Variants in SP7 observed in about 807,000 individuals in gnomAD.
The protein encoded by SP7 is Sp7 transcription factor, also known as transcription factor Sp7.
A neutral mutation model predicts 27.9 loss-of-function variants in SP7; 13 were observed. The ratio of observed to expected loss-of-function variants is 0.47; its 90% CI spans 0.30 to 0.74. The LOEUF is 0.74. Among genes scored for constraint, SP7 ranks in the 30% least tolerant of loss-of-function variants. SP7 has a pLI of 0.06. For synonymous variants in SP7, 219 were observed against 226.7 expected (o/e 0.97, Z 0.31); for missense variants, 525 against 558.0 (o/e 0.94, Z 0.60).
chr12:53,334,491 A>G (rs1189119398), intron 2 of SP7, among the ~76,000 whole-genome samples: 1 of 152,148 alleles, frequency 6.6e-6, no homozygotes, highest in East Asian at 1.9e-4. Context: ...CCACAGGTTG[A>G]GTGAGTTGGC....
At chr12:53,342,289 G>A (rs1042737593) in intron 1 of SP7, among the ~76,000 whole-genome samples, 2 of 151,812 alleles carry the variant, frequency 1.3e-5, no homozygotes, top group African/African-American at 2.4e-5. Flanking sequence ...AAATACACAC[G>A]TCTCCCCGCT....
At chr12:53,340,272 T>C (rs1030748698), upstream of SP7, among the ~76,000 whole-genome samples, 1 of 151,070 alleles carries the variant, frequency 6.6e-6, no homozygotes, top group Admixed American at 6.6e-5. Flanking sequence ...CACATACATA[T>C]ACCCAGGGCT....
In SP7 at chr12:53,329,334, T is replaced by G; in HGVS notation, c.108A>C (p.Ser36=). The part of the protein sequence containing the change: ...KFGGSSPLRD[S]TTLGKAGTKK... ...TTGTGCCTGCTTTGCCCAGAGTTGTTGAGTCCCGCAGAGGGCTAGAGCCAC... is the reference window on the plus strand; with the variant it reads ...TTGTGCCTGCTTTGCCCAGAGTTGTGGAGTCCCGCAGAGGGCTAGAGCCAC... The change falls in exon 3 of 3, where the codon TCA becomes TCC. Residue 36 remains serine (S), a synonymous_variant. Transcript: ENST00000536324. 1 of 1,613,982 alleles carries G rather than the reference T, an allele frequency of 6.2e-7. No individual in the cohort carries two copies.
chr12:53,331,688 C>A (rs1258637999), intron 2 of SP7, among the ~76,000 whole-genome samples: 2 of 151,976 alleles, frequency 1.3e-5, no homozygotes, highest in African/African-American at 2.4e-5. Flanking sequence ...AAAAAAGATG[C>A]CCTCAAAATC....
At chr12:53,335,556 A>C in intron 2 of SP7, 70 bp downstream of exon 2, 1 of 783,542 alleles carries the variant, frequency 1.3e-6, no homozygotes, top group Non-Finnish European at 2.2e-6. Context: ...GAGTTGGAGG[A>C]GGTGGGTGGG....
In SP7 at chr12:53,328,147, C is replaced by T; in HGVS notation, c.1295G>A (p.Ter432=). 6.2e-7 allele frequency: 1 copy of T among 1,608,544 alleles called. No homozygotes were observed. The highest frequency in any genetic ancestry group is 8.5e-7 in the Non-Finnish European group (1 of 1,178,094). ...GGGGTGGGAGACCTTCCACCCGGCTCAGATCTCCAGCAAGTTGCTCTGCTC... is the reference window on the plus strand; with the variant it reads ...GGGGTGGGAGACCTTCCACCCGGCTTAGATCTCCAGCAAGTTGCTCTGCTC... The part of the protein sequence containing the change: ...SPEQSNLLEI[*] Residue 432 remains the stop codon, a stop_retained_variant, in exon 3 of 3, where the codon TGA becomes TAA. Coordinates refer to ENST00000536324, the MANE Select transcript of SP7 (RefSeq NM_001173467.3). The surrounding 1 kb of genome is among the most constrained non-coding windows in gnomAD (Gnocchi z 5.1).
At chr12:53,337,485 G>A (rs952079861), upstream of SP7, among the ~76,000 whole-genome samples, 3 of 152,172 alleles carry the variant, frequency 2.0e-5, no homozygotes, top group Admixed American at 6.5e-5. Flanking sequence ...GGCTTAGCCC[G>A]CTGGGGTTGT....
At chr12:53,339,405 T>C (rs1488408895), upstream of SP7, among the ~76,000 whole-genome samples, 2 of 152,110 alleles carry the variant, frequency 1.3e-5, no homozygotes, top group Non-Finnish European at 2.9e-5. Flanking sequence ...TTTGGAAAGA[T>C]CAGTGGGGTG....
At chr12:53,343,856 C>T (rs1351860286) in intron 1 of SP7, among the ~76,000 whole-genome samples, 3 of 151,902 alleles carry the variant, frequency 2.0e-5, no homozygotes, top group Non-Finnish European at 4.4e-5. Flanking sequence ...ACCAGCCTGG[C>T]CAACATGGTG....
Position 53,329,288 on chromosome 12 carries a change from T to C in SP7, c.154A>G (p.Ser52Gly), listed in dbSNP as rs762070452. Reference protein sequence around the residue: ...AGTKKPYSVGSDLSASKTMGD... With the variant: ...AGTKKPYSVGGDLSASKTMGD... The stretch of plus-strand genomic sequence containing the variant: ...ATGGTTTTGGAGGCTGAAAGGTCAC[T>C]GCCCACAGAGTACGGCTTCTTTGTG... Residue 52 changes from serine to glycine, a missense_variant, in exon 3 of 3, where the codon AGT (serine) becomes GGT (glycine). Ser to Gly is a moderately conservative substitution (Grantham distance 56, BLOSUM62 0). Transcript: ENST00000536324. The C allele has an allele frequency of 1.2e-6, 2 of 1,613,902 alleles. No homozygotes were observed. Among genetic ancestry groups the C allele is most frequent in the East Asian group, 2.2e-5 (1 of 44,876 alleles).
chr12:53,335,844 G>A, intron 1 of SP7, 151 bp from the exon 2 acceptor site: 4 of 1,411,636 alleles, frequency 2.8e-6, no homozygotes, highest in Non-Finnish European at 3.7e-6. Flanking sequence ...AGCTTTCCCA[G>A]CGGAGAAGGC....
intron 2 of SP7, among the ~76,000 whole-genome samples, chr12:53,330,199 C>A (rs1442501810): frequency 2.6e-5 from 4 of 152,118 alleles, no homozygotes; most frequent in Admixed American, 6.6e-5. Context: ...CAGCCGCACG[C>A]CACCACATTG....
chr12:53,331,907 G>A (rs1026499162), intron 2 of SP7, among the ~76,000 whole-genome samples: 2 of 152,218 alleles, frequency 1.3e-5, no homozygotes, highest in African/African-American at 4.8e-5. Context: ...CCCTGGGGTT[G>A]CCATGAGGCA....
upstream of SP7, among the ~76,000 whole-genome samples, chr12:53,339,637 A>G: frequency 6.6e-6 from 1 of 151,736 alleles, no homozygotes. Flanking sequence ...AGGCAGTAGA[A>G]TCACTTGAAC....
upstream of SP7, among the ~76,000 whole-genome samples, chr12:53,338,003 A>G (rs1311975988): frequency 1.3e-5 from 2 of 152,176 alleles, no homozygotes; most frequent in Non-Finnish European, 1.5e-5. Context: ...AAAACAGAGC[A>G]GGAAAGAAAC....
intron 2 of SP7, among the ~76,000 whole-genome samples, chr12:53,334,606 T>C (rs1944745907): frequency 6.6e-6 from 1 of 152,122 alleles, no homozygotes; most frequent in African/African-American, 2.4e-5. Context: ...GGACTGACTT[T>C]CAGGGAGGGC....
rs531320473 is a variant in SP7 at position 53,344,262 on chromosome 12, C to T, written c.-34+852G>A. Among the ~76,000 whole-genome samples, 1 of 152,090 alleles carries T rather than the reference C, an allele frequency of 6.6e-6. No homozygotes were observed. Among genetic ancestry groups the T allele is most frequent in the Non-Finnish European group, 1.5e-5 (1 of 67,996 alleles). On this transcript the variant is annotated intron_variant, in intron 1 of 1. Transcript: ENST00000547755. This position sits in a 1 kb window ranked among gnomAD's most constrained non-coding sequence, Gnocchi z 4.6. ...AATGGCTCTTGACAGTTGCTGGATC[C>T]GGCCAACAGTGAAGGGCCAGGGCAG...
rs1944648600 is a variant in SP7, at chr12:53,327,782, A to C, written c.*364T>G. On this transcript the variant is annotated 3_prime_UTR_variant, in exon 3 of 3. Coordinates refer to ENST00000536324, the MANE Select transcript of SP7 (RefSeq NM_001173467.3). ...GGAGGCTGAGGGACAGCAGGAAATA[A>C]GCTTGAGAAGCAGAAAGGGGTACAT... 7.9e-6 allele frequency: 2 copies of C among 251,952 alleles called. No individual in the cohort carries two copies. Among genetic ancestry groups the C allele is most frequent in the Non-Finnish European group, 1.5e-5 (2 of 132,040 alleles). The allele number at this position is 251,952 out of a possible 1,614,324, so 15.6% of individuals were successfully genotyped here. A position where few individuals can be genotyped will look rare whatever the true frequency, so the allele number is the denominator to read the frequency against.
chr12:53,328,064 AGAG>A lies in SP7; in HGVS notation c.*79_*81del. On this transcript the variant is annotated 3_prime_UTR_variant, in exon 3 of 3. Coordinates refer to ENST00000536324, the MANE Select transcript of SP7 (RefSeq NM_001173467.3). This position sits in a 1 kb window ranked among gnomAD's most constrained non-coding sequence, Gnocchi z 5.1. Reference sequence around the variant, plus strand: ...CCGAAGGATGGCATGCATGGGGTAAAGAGAGTGATTGGCAAGCAGTGGTCTAGA... The same window carrying A: ...CCGAAGGATGGCATGCATGGGGTAAAAGTGATTGGCAAGCAGTGGTCTAGA... The A allele has an allele frequency of 7.3e-7, 1 of 1,375,864 alleles. No individual in the cohort carries two copies. The highest frequency in any genetic ancestry group is 9.7e-7 in the Non-Finnish European group (1 of 1,025,744). 85.2% of individuals were successfully genotyped at this position (1,375,864 alleles called of 1,614,324 possible). A position where few individuals can be genotyped will look rare whatever the true frequency, so the allele number is the denominator to read the frequency against.
Sources: allele counts gnomAD v4.1 joint callset (sites outside exome capture counted in the v4.1 genomes callset), GRCh38; gene constraint gnomAD v4.1.1; non-coding constraint Gnocchi (gnomAD v3.1); transcripts MANE v1.5; gene names NCBI Gene and HGNC (gene_info 2026-07-23, HGNC 2026-07-21).